The following SERGEF variants were observed in gnomAD, a reference collection of about 807,000 sequenced individuals.
SERGEF encodes secretion-regulating guanine nucleotide exchange factor.
SERGEF carries 51 observed loss-of-function variants against 50.0 expected under a neutral mutation model. The observed-to-expected ratio is 1.02, with a 90% CI of 0.81 to 1.29. The LOEUF is 1.29. Ranked by LOEUF, SERGEF falls within the 50% of genes most tolerant of loss-of-function variation. The probability of loss-of-function intolerance (pLI) is 0.00; values close to 1 mark genes in which losing one functional copy is unlikely to be tolerated. For missense variants in SERGEF, 521 were observed against 557.0 expected (o/e 0.94, Z 0.65); for synonymous variants, 205 against 212.4 (o/e 0.97, Z 0.30).
chr11:18,006,365 G>A (rs572702203), intron 3 of SERGEF, among the ~76,000 whole-genome samples: 2 of 152,186 alleles, frequency 1.3e-5, no homozygotes, highest in African/African-American at 2.4e-5. Flanking sequence ...TAGTAGAGAC[G>A]GGGTTTTACC....
At chr11:18,011,581 C>T (rs935749775) in intron 1 of SERGEF, among the ~76,000 whole-genome samples, 4 of 152,104 alleles carry the variant, frequency 2.6e-5, no homozygotes, top group East Asian at 1.9e-4. Context: ...TAGCCCTAGC[C>T]GACCAACACA....
At chr11:17,846,046 A>G (rs891907166) in intron 10 of SERGEF, among the ~76,000 whole-genome samples, 1 of 152,196 alleles carries the variant, frequency 6.6e-6, no homozygotes, top group Non-Finnish European at 1.5e-5. Flanking sequence ...GCCTGGAGGT[A>G]GGGGCAGATA....
intron 9 of SERGEF, among the ~76,000 whole-genome samples, chr11:17,883,121 C>T (rs1329669000): frequency 1.3e-5 from 2 of 152,118 alleles, no homozygotes; most frequent in African/African-American, 2.4e-5. Flanking sequence ...AAACAAATTC[C>T]GAAACCCCAA....
intron 1 of SERGEF, 172 bp downstream of exon 1, chr11:18,012,775 CCCCG>C: frequency 4.4e-5 from 35 of 791,796 alleles, no homozygotes; most frequent in Non-Finnish European, 5.6e-5. Context: ...ACCCTTCCTT[CCCCG>C]CCCGCCCGCT....
chr11:17,810,405 C>G (rs1355838396), intron 10 of SERGEF, among the ~76,000 whole-genome samples: 1 of 152,234 alleles, frequency 6.6e-6, no homozygotes, highest in Non-Finnish European at 1.5e-5. Context: ...AGGCTCAGCT[C>G]AAGTCCTCCT....
chr11:17,992,271 T>C lies in SERGEF; in HGVS notation c.685+660A>G, dbSNP rs183653813. On this transcript the variant is annotated intron_variant, in intron 7 of 10. Transcript: ENST00000265965. ...AACTACATATCTAGAGTTAGATATA[T>C]AGACACACAGATTAGATATTACAAA... Among the ~76,000 whole-genome samples the C allele has an allele frequency of 4.2e-3, 643 of 152,294 alleles. 4 individuals carry two copies. The highest frequency in any genetic ancestry group is 4.4e-3 in the Non-Finnish European group (300 of 68,020).
At chr11:17,822,698 T>G (rs888197824) in intron 10 of SERGEF, among the ~76,000 whole-genome samples, 8 of 152,192 alleles carry the variant, frequency 5.3e-5, no homozygotes, top group African/African-American at 1.9e-4. Flanking sequence ...GCACACTGTC[T>G]CACTGAAGTT....
chr11:17,839,561 G>A (rs1287005280), intron 10 of SERGEF, among the ~76,000 whole-genome samples: 2 of 152,142 alleles, frequency 1.3e-5, no homozygotes, highest in Non-Finnish European at 2.9e-5. Context: ...TCAGTCCTCA[G>A]GCAGAAAAAG....
chr11:17,874,474 G>A lies in SERGEF; in HGVS notation c.1048+3734C>T, dbSNP rs555868597. Among the ~76,000 whole-genome samples the A allele has an allele frequency of 9.9e-5, 15 of 152,274 alleles. No individual in the cohort carries two copies. In the East Asian group the frequency reaches 2.9e-3, roughly 29 times the overall value. On this transcript the variant is annotated intron_variant, in intron 10 of 10. Transcript: ENST00000265965. Reference sequence around the variant, plus strand: ...TTCACCATTCTGTCTAGTCATGGGGGCACCTGGTGGCAAAGACAAAACATG... The same window carrying A: ...TTCACCATTCTGTCTAGTCATGGGGACACCTGGTGGCAAAGACAAAACATG...
At chr11:17,897,027 T>C (rs976567506) in intron 9 of SERGEF, among the ~76,000 whole-genome samples, 1 of 152,168 alleles carries the variant, frequency 6.6e-6, no homozygotes, top group East Asian at 1.9e-4. Context: ...TGTCTCCAGG[T>C]GGGCCTAATC....
At chr11:17,808,974 C>G (rs1011518341) in intron 10 of SERGEF, among the ~76,000 whole-genome samples, 4 of 152,216 alleles carry the variant, frequency 2.6e-5, no homozygotes, top group Non-Finnish European at 4.4e-5. Flanking sequence ...AATTCAAACT[C>G]TAGGTTCCTT....
intron 8 of SERGEF, among the ~76,000 whole-genome samples, chr11:17,966,964 C>T (rs1853137925): frequency 6.6e-6 from 1 of 152,170 alleles, no homozygotes; most frequent in Non-Finnish European, 1.5e-5. Flanking sequence ...GATTAAGAAA[C>T]AGACCACAGA....
chr11:17,956,823 A>T (rs779817598), intron 9 of SERGEF, among the ~76,000 whole-genome samples: 6 of 152,194 alleles, frequency 3.9e-5, no homozygotes, highest in Non-Finnish European at 7.4e-5. Context: ...CTGTTCCTGC[A>T]CCTCCAGGTA....
In SERGEF at chr11:17,867,638, G is replaced by A. The variant is rs577472173; in HGVS notation, c.1048+10570C>T. Among the ~76,000 whole-genome samples, 15 of 152,312 alleles carry A rather than the reference G, an allele frequency of 9.8e-5. No homozygotes were observed. The South Asian group carries it at 1.2e-3, about 13-fold the overall frequency. ...AGTGCCCCAGTAGGGAGTCTGTGTC[G>A]GGGCTCTGACCCCACATTTCCCTTC... On this transcript the variant is annotated intron_variant, in intron 10 of 10. Transcript: ENST00000265965.
In SERGEF at chr11:17,970,290, A is replaced by T. The variant is rs150269432; in HGVS notation, c.845-10654T>A. On this transcript the variant is annotated intron_variant, in intron 8 of 10. Coordinates refer to ENST00000265965, the MANE Select transcript of SERGEF (RefSeq NM_012139.4). ...CATCTGTTATGGTGATCTGTAATCA[A>T]TGATCATTGATGTTACTACTGCAAT... Among the ~76,000 whole-genome samples, 865 of 152,282 alleles carry T rather than the reference A, an allele frequency of 5.7e-3. 7 individuals carry two copies. The highest frequency in any genetic ancestry group is 9.3e-3 in the Non-Finnish European group (634 of 68,016).
At chr11:17,827,135 C>T (rs1188954764) in intron 10 of SERGEF, among the ~76,000 whole-genome samples, 1 of 152,196 alleles carries the variant, frequency 6.6e-6, no homozygotes, top group Non-Finnish European at 1.5e-5. Flanking sequence ...TATCCATCTT[C>T]TTGAAGGCTC....
intron 8 of SERGEF, among the ~76,000 whole-genome samples, chr11:17,973,760 T>C (rs1853305453): frequency 6.6e-6 from 1 of 152,148 alleles, no homozygotes; most frequent in African/African-American, 2.4e-5. Context: ...CCACCCCATA[T>C]TTGAGAACTC....
chr11:17,811,151 A>G (rs892620591), intron 10 of SERGEF, among the ~76,000 whole-genome samples: 1 of 152,184 alleles, frequency 6.6e-6, no homozygotes, highest in African/African-American at 2.4e-5. Context: ...ACCTAACCCA[A>G]TTCCTAAATG....
At chr11:17,794,111 A>G (rs1191483727) in intron 10 of SERGEF, among the ~76,000 whole-genome samples, 1 of 152,226 alleles carries the variant, frequency 6.6e-6, no homozygotes, top group East Asian at 1.9e-4. Flanking sequence ...ATGTGTGCAG[A>G]GCCTCCTGGT....
Sources: allele counts gnomAD v4.1 joint callset (sites outside exome capture counted in the v4.1 genomes callset), GRCh38; gene constraint gnomAD v4.1.1; transcripts MANE v1.5; gene names NCBI Gene and HGNC (gene_info 2026-07-23, HGNC 2026-07-21).